The following FLT4 variants were observed in gnomAD, a reference collection of about 807,000 sequenced individuals.
FLT4 encodes the protein fms related receptor tyrosine kinase 4.
In FLT4, 30 loss-of-function variants were observed where a neutral mutation model predicts 163.2. That is an observed-to-expected ratio of 0.18 (90% CI 0.14 to 0.25). The LOEUF (loss-of-function observed/expected upper bound fraction) is 0.25, where lower values mean the gene tolerates loss of function less well. FLT4 is among the 10% of genes least tolerant of loss of function. The pLI is 1.00. For synonymous variants in FLT4, 884 were observed against 789.5 expected, an observed-to-expected ratio of 1.12 and a Z score of -2.01; for missense variants, 1,510 against 1,863.8, an observed-to-expected ratio of 0.81 and a Z score of 3.50.
chr5:180,617,935 C>G (rs1762793753), intron 21 of FLT4, among the ~76,000 whole-genome samples: 1 of 38,814 alleles, frequency 2.6e-5, no homozygotes, highest in African/African-American at 1.1e-4. Flanking sequence ...ACTCCCAGAG[C>G]ACCCTCTCCT....
At position 180,603,368 on chromosome 5, in the gene FLT4, C is replaced by G; in HGVS notation, c.3916G>C (p.Val1306Leu). 6.2e-7 allele frequency: 1 copy of G among 1,614,106 alleles called. No individual in the cohort carries two copies. Among genetic ancestry groups the G allele is most frequent in the East Asian group, 2.2e-5 (1 of 44,880 alleles). ...TCAGGGTGTGCCCTGGTCACAGCCACATTCTGGCCAGGTCCTTTACAGCTG... is the reference window on the plus strand; with the variant it reads ...TCAGGGTGTGCCCTGGTCACAGCCAGATTCTGGCCAGGTCCTTTACAGCTG... ...GFSCKGPGQN[V>L]AVTRAHPDSQ... is the part of the protein sequence containing the mutation. Residue 1306 changes from valine (V) to leucine (L), a missense_variant, in exon 30 of 30, where the codon GTG (valine) becomes CTG (leucine). Val to Leu is a conservative substitution (Grantham distance 32, BLOSUM62 1). This residue lies in a region of FLT4 where 295 missense variants were observed against 311.0 expected (regional missense o/e 0.95). Coordinates refer to ENST00000261937, the MANE Select transcript of FLT4 (RefSeq NM_182925.5).
At chr5:180,624,387 T>A (rs1561726077) in intron 10 of FLT4, among the ~76,000 whole-genome samples, 1 of 152,028 alleles carries the variant, frequency 6.6e-6, no homozygotes, top group Non-Finnish European at 1.5e-5. Flanking sequence ...CCACCACGCC[T>A]GGCTATTTTT....
chr5:180,638,966 C>A (rs897911698), intron 1 of FLT4, among the ~76,000 whole-genome samples: 1 of 130,432 alleles, frequency 7.7e-6, no homozygotes, highest in African/African-American at 2.9e-5. Context: ...AGTAAAGTCT[C>A]AGTGAACACT....
Position 180,626,154 on chromosome 5 carries a change from A to C in FLT4, c.1215T>G (p.Ala405=), listed in dbSNP as rs751877510. The C allele has an allele frequency of 6.2e-7, 1 of 1,612,874 alleles. No homozygotes were observed. The highest frequency in any genetic ancestry group is 1.1e-5 in the South Asian group (1 of 91,088). The change falls in exon 9 of 30, where the codon GCT becomes GCG. Residue 405 remains alanine (A), a synonymous_variant. Transcript: ENST00000261937. ...GTYTLALWNS[A]AGLRRNISLE... is the part of the protein sequence containing the mutation. ...GGCTGATGTTGCGCCTCAGGCCAGC[A>C]GCGGAGTTCCACAGGGCGAGGGTGT...
Position 180,630,795 on chromosome 5 carries a change from G to C in FLT4, c.160C>G (p.Gln54Glu). ...GGCCAAGCCCACTCGAGGGGGTGCTGTCCCCTGGCAGAGGACAGGAGTGGT... is the reference window on the plus strand; with the variant it reads ...GGCCAAGCCCACTCGAGGGGGTGCTCTCCCCTGGCAGAGGACAGGAGTGGT... ...GDSLSISCRG[Q>E]HPLEWAWPGA... The change falls in exon 3 of 30, where the codon CAG becomes GAG. Residue 54 changes from glutamine (Q) to glutamate (E), a missense_variant. Gln to Glu is a conservative substitution (Grantham distance 29). Transcript: ENST00000261937. The surrounding 1 kb of genome is among the most constrained non-coding windows in gnomAD (Gnocchi z 6.3). The C allele has an allele frequency of 6.2e-7, 1 of 1,602,110 alleles. No individual in the cohort carries two copies.
At chr5:180,629,170 C>A in intron 7 of FLT4, 89 bp downstream of exon 7, 1 of 1,558,298 alleles carries the variant, frequency 6.4e-7, no homozygotes, top group South Asian at 1.1e-5. Context: ...CCTCCCTTCC[C>A]TCTGGCTGGA....
At chr5:180,624,518 G>C (rs1211952711) in intron 10 of FLT4, among the ~76,000 whole-genome samples, 1 of 152,090 alleles carries the variant, frequency 6.6e-6, no homozygotes, top group Non-Finnish European at 1.5e-5. Context: ...GTGAGCCACC[G>C]AGCCCGGCCT....
In FLT4 at chr5:180,619,692, C is replaced by T. The variant is rs1762973982; in HGVS notation, c.2620G>A (p.Asp874Asn). The change falls in exon 18 of 30, where the codon GAC (aspartate) becomes AAC (asparagine). Residue 874 changes from aspartate to asparagine, a missense_variant. Transcript: ENST00000261937. ...AFGIHKGSSC[D>N]TVAVKMLKEG... ...TTCAGCATTTTCACGGCCACGGTGT[C>T]ACAGCTGCTGCCCTTGTGGATGCCG... 2 of 1,612,600 alleles carry T rather than the reference C, an allele frequency of 1.2e-6. No homozygotes were observed. Among genetic ancestry groups the T allele is most frequent in the Non-Finnish European group, 8.5e-7 (1 of 1,179,902 alleles).
chr5:180,630,442 G>GT lies in FLT4; in HGVS notation c.401-106_401-105insA, dbSNP rs1764012110. The GT allele has an allele frequency of 6.4e-7, 1 of 1,562,642 alleles. No homozygotes were observed. The highest frequency in any genetic ancestry group is 2.3e-5 in the East Asian group (1 of 43,878). ...GGTCCTGAACCAGCCACCCGCTGGA[G>GT]CAGGTAGGGCCCCGTTCTCTCCTCC... On this transcript the variant is annotated intron_variant, in intron 3 of 29. Coordinates refer to ENST00000261937, the MANE Select transcript of FLT4 (RefSeq NM_182925.5). The surrounding 1 kb of genome is among the most constrained non-coding windows in gnomAD (Gnocchi z 6.3).
intron 29 of FLT4, 87 bp downstream of exon 29, chr5:180,608,881 G>A (rs1761958948): frequency 8.6e-7 from 1 of 1,163,800 alleles, no homozygotes; most frequent in Non-Finnish European, 1.3e-6. Context: ...CCGGGAAGAG[G>A]GCTGGGCACA....
intron 11 of FLT4, 43 bp from the exon 12 acceptor site, chr5:180,622,882 C>A (rs747770499): frequency 3.1e-5 from 42 of 1,353,738 alleles, no homozygotes; most frequent in Non-Finnish European, 4.3e-5. Context: ...TGCCCAAGTT[C>A]TCCCAACCTG....
At chr5:180,648,615 G>C (rs1765590215) in intron 1 of FLT4, among the ~76,000 whole-genome samples, 2 of 152,010 alleles carry the variant, frequency 1.3e-5, no homozygotes, top group African/African-American at 4.8e-5. Context: ...CATCTTCTCA[G>C]CTTCCTCCCT....
chr5:180,617,970 C>A (rs1762796115), intron 21 of FLT4, among the ~76,000 whole-genome samples: 1 of 18,488 alleles, frequency 5.4e-5, no homozygotes. Flanking sequence ...GGGACACCCA[C>A]ATCCTATTCC....
chr5:180,622,034 C>T (rs919628453), intron 12 of FLT4, 130 bp from the exon 13 acceptor site: 23 of 1,064,798 alleles, frequency 2.2e-5, no homozygotes, highest in African/African-American at 3.1e-5. Context: ...GGACTGCTTG[C>T]CCCCCGCCCC....
intron 1 of FLT4, among the ~76,000 whole-genome samples, chr5:180,633,999 G>A (rs1764366391): frequency 1.3e-5 from 2 of 152,158 alleles, no homozygotes; most frequent in African/African-American, 4.8e-5. Context: ...TGCGGCAGCT[G>A]TCAGCCCAGC....
Position 180,602,233 on chromosome 5 carries a change from T to A in FLT4, c.*959A>T, listed in dbSNP as rs1561682496. 4.2e-6 allele frequency: 1 copy of A among 240,520 alleles called. No homozygotes were observed. The highest frequency in any genetic ancestry group is 5.6e-5 in the Admixed American group (1 of 17,934). The allele number at this position is 240,520 out of a possible 1,614,324, so 14.9% of individuals were successfully genotyped here. ...TGGATCCCACAGTGTTCATCTCTCA[T>A]GAGCTGGTTCACGGCTTGGGAGGGG... On this transcript the variant is annotated 3_prime_UTR_variant, in exon 30 of 30. Transcript: ENST00000261937.
chr5:180,629,893 A>G (rs1763953450), intron 5 of FLT4, 50 bp downstream of exon 5: 1 of 1,612,640 alleles, frequency 6.2e-7, no homozygotes, highest in African/African-American at 1.3e-5. Context: ...CACTGAGGCC[A>G]GTGAGGCAGT....
At chr5:180,644,942 C>T (rs780597805) in intron 1 of FLT4, among the ~76,000 whole-genome samples, 1 of 152,238 alleles carries the variant, frequency 6.6e-6, no homozygotes, top group Non-Finnish European at 1.5e-5. Context: ...CTTGGAGCAG[C>T]ACCGTCTGCC....
At chr5:180,604,018 C>T (rs192224585) in intron 29 of FLT4, among the ~76,000 whole-genome samples, 88 of 152,150 alleles carry the variant, frequency 5.8e-4, no homozygotes, top group African/African-American at 2.1e-3. Flanking sequence ...AACAAACTAA[C>T]AAAAAACAAG....
Sources: gnomAD v4.1 joint callset for allele counts (sites outside exome capture counted in the v4.1 genomes callset) on GRCh38, gnomAD v4.1.1 for gene constraint, gnomAD v4.1.1 regional missense constraint, Gnocchi (gnomAD v3.1) non-coding constraint, MANE v1.5 for transcripts, NCBI Gene and HGNC (gene_info 2026-07-23, HGNC 2026-07-21) for gene names.